The following RAPGEF4 variants were observed in gnomAD, a reference collection of about 807,000 sequenced individuals.
RAPGEF4 encodes RAP guanine-nucleotide-exchange factor (GEF) 4.
A neutral mutation model predicts 147.9 loss-of-function variants in RAPGEF4; 66 were observed. The ratio of observed to expected loss-of-function variants is 0.45; its 90% confidence interval spans 0.37 to 0.55. The LOEUF (loss-of-function observed/expected upper bound fraction) is 0.55, where lower values mean the gene tolerates loss of function less well. RAPGEF4 is among the 20% of genes least tolerant of loss of function. RAPGEF4 has a pLI of 0.00. For synonymous variants in RAPGEF4, 419 were observed against 442.7 expected (o/e 0.95, Z 0.67); for missense variants, 1,071 against 1,257.3 (o/e 0.85, Z 2.24).
chr2:172,922,423 A>C, intron 6 of RAPGEF4, 123 bp downstream of exon 6: 1 of 981,668 alleles, frequency 1.0e-6, no homozygotes, highest in Non-Finnish European at 1.6e-6. Flanking sequence ...ATATTTTTCT[A>C]ATCTCATTCT....
At chr2:172,894,723 A>G (rs909946319) in intron 4 of RAPGEF4, among the ~76,000 whole-genome samples, 1 of 152,136 alleles carries the variant, frequency 6.6e-6, no homozygotes, top group Non-Finnish European at 1.5e-5. Context: ...GTGGGTGCCA[A>G]AGTCTGGCTT....
chr2:172,787,064 T>A (rs566197307), intron 1 of RAPGEF4, among the ~76,000 whole-genome samples: 2 of 151,984 alleles, frequency 1.3e-5, no homozygotes, highest in East Asian at 3.9e-4. Context: ...ACAAAAAAAT[T>A]AGCCAGGTGT....
At chr2:172,863,269 T>C (rs533659603) in intron 4 of RAPGEF4, among the ~76,000 whole-genome samples, 46 of 151,924 alleles carry the variant, frequency 3.0e-4, no homozygotes, top group Admixed American at 6.6e-4. Context: ...GAAGAGGAAA[T>C]TGGAGTGCTC....
In RAPGEF4 at chr2:172,842,937, G is replaced by T. The variant is rs540792162; in HGVS notation, c.444+28512G>T. Among the ~76,000 whole-genome samples the T allele has an allele frequency of 1.2e-3, 185 of 152,350 alleles. 1 individual carries two copies. Among genetic ancestry groups the T allele is most frequent in the African/African-American group, 4.1e-3 (172 of 41,588 alleles). ...GGAGTGAGATTGCAGAGGTGGTGCA[G>T]TTACAGGTGTCTGGATAATCATGTT... On this transcript the variant is annotated intron_variant, in intron 4 of 30. Transcript: ENST00000397081.
In RAPGEF4 at chr2:172,934,136, T is replaced by C. The variant is rs1686273905; in HGVS notation, c.537+11836T>C. On this transcript the variant is annotated intron_variant, in intron 6 of 30. Transcript: ENST00000397081. ...GTAATAGTAGAAAAAATAACTATAT[T>C]TTATTTAATCCTTTTTTTTTTTTTT... Among the ~76,000 whole-genome samples the C allele has an allele frequency of 3.6e-5, 5 of 140,692 alleles. No individual in the cohort carries two copies. The South Asian group carries it at 1.1e-3, about 30-fold the overall frequency. The allele number at this position is 140,692 out of a possible 152,430, so 92.3% of individuals were successfully genotyped here.
intron 4 of RAPGEF4, among the ~76,000 whole-genome samples, chr2:172,869,496 C>G (rs1034488132): frequency 3.9e-5 from 6 of 152,102 alleles, no homozygotes; most frequent in African/African-American, 1.4e-4. Flanking sequence ...AATTTTGTGT[C>G]TTGAGAACTA....
At chr2:172,902,142 G>A (rs1240460157) in intron 4 of RAPGEF4, among the ~76,000 whole-genome samples, 2 of 152,136 alleles carry the variant, frequency 1.3e-5, no homozygotes, top group Admixed American at 1.3e-4. Flanking sequence ...CTGAAAGAGG[G>A]CAGAGTGGCT....
chr2:172,744,114 C>T (rs977497345), intron 1 of RAPGEF4: 1 of 197,612 alleles, frequency 5.1e-6, no homozygotes, highest in Admixed American at 6.1e-5. Flanking sequence ...ATTCTCAGAA[C>T]TTTGAAGTTA....
In RAPGEF4 at chr2:173,016,425, T is replaced by G; in HGVS notation, c.1886T>G (p.Ile629Ser). The G allele has an allele frequency of 8.7e-6, 14 of 1,610,544 alleles. No individual in the cohort carries two copies. Among genetic ancestry groups the G allele is most frequent in the Non-Finnish European group, 1.2e-5 (14 of 1,176,756 alleles). The change falls in exon 19 of 31, where the codon ATT (isoleucine) becomes AGT (serine). Residue 629 changes from isoleucine to serine, a missense_variant. Ile to Ser is a moderately radical substitution (Grantham distance 142). Transcript: ENST00000397081. ...GAGCAACTGCCAGAGTTGGAGAAGA[T>G]TGTCAAGCAAATGTAAGGAAGGGCT... ...LKEQLPELEK[I>S]VKQISEDAKA...
intron 4 of RAPGEF4, among the ~76,000 whole-genome samples, chr2:172,865,588 TTGCCCTC>T (rs979488301): frequency 6.6e-6 from 1 of 152,176 alleles, no homozygotes; most frequent in Non-Finnish European, 1.5e-5. Context: ...TCGTTTCTTC[TTGCCCTC>T]TGCCCTCTTC....
At chr2:172,776,697 T>A (rs994815455) in intron 1 of RAPGEF4, among the ~76,000 whole-genome samples, 23 of 152,312 alleles carry the variant, frequency 1.5e-4, no homozygotes, top group Admixed American at 4.6e-4. Flanking sequence ...ATCCTTTTTT[T>A]TCTGCAGTGC....
In RAPGEF4 at chr2:173,042,279, G is replaced by A. The variant is rs190221590; in HGVS notation, c.2853+5587G>A. On this transcript the variant is annotated intron_variant, in intron 29 of 30. Transcript: ENST00000397081. This position sits in a 1 kb window ranked among gnomAD's most constrained non-coding sequence, Gnocchi z 4.2. The stretch of plus-strand genomic sequence containing the variant: ...TGTTTCAGTGTTGGGCTTAGTGCAC[G>A]AAAGCATTTTTCAAATATTTTATGT... 5.3e-5 allele frequency among the ~76,000 whole-genome samples: 8 copies of A among 152,318 alleles called. No homozygotes were observed. The highest frequency in any genetic ancestry group is 2.1e-4 in the South Asian group (1 of 4,832).
At chr2:172,906,005 T>G (rs1699590101) in intron 4 of RAPGEF4, among the ~76,000 whole-genome samples, 1 of 152,226 alleles carries the variant, frequency 6.6e-6, no homozygotes, top group Non-Finnish European at 1.5e-5. Flanking sequence ...TTATAACTGC[T>G]TTGCTTTTTG....
intron 22 of RAPGEF4, 51 bp from the exon 23 acceptor site, chr2:173,020,567 G>A: frequency 6.9e-7 from 1 of 1,442,372 alleles, no homozygotes; most frequent in Non-Finnish European, 9.8e-7. Flanking sequence ...GGGCAGTGCA[G>A]CAAATCTCAG....
At chr2:172,834,945 T>C (rs965003399) in intron 4 of RAPGEF4, among the ~76,000 whole-genome samples, 7 of 152,260 alleles carry the variant, frequency 4.6e-5, no homozygotes, top group Non-Finnish European at 1.0e-4. Context: ...TATCAGCTTA[T>C]GCTCCTATTC....
chr2:172,888,327 A>C (rs985533477), intron 4 of RAPGEF4, among the ~76,000 whole-genome samples: 4 of 152,238 alleles, frequency 2.6e-5, no homozygotes, highest in Non-Finnish European at 5.9e-5. Context: ...AAGACGGGGA[A>C]CATGATGCCC....
intron 4 of RAPGEF4, among the ~76,000 whole-genome samples, chr2:172,821,346 A>T (rs1386081407): frequency 2.0e-5 from 3 of 152,218 alleles, no homozygotes; most frequent in African/African-American, 7.2e-5. Context: ...TACCCTCATC[A>T]GGAGCAACCA....
At chr2:172,976,541 A>G (rs1425590898) in intron 10 of RAPGEF4, among the ~76,000 whole-genome samples, 1 of 152,166 alleles carries the variant, frequency 6.6e-6, no homozygotes, top group Non-Finnish European at 1.5e-5. Context: ...CCCCACACAC[A>G]CAAAAAAATA....
intron 10 of RAPGEF4, among the ~76,000 whole-genome samples, chr2:172,969,040 G>A (rs1690175956): frequency 6.6e-6 from 1 of 152,216 alleles, no homozygotes; most frequent in South Asian, 2.1e-4. Flanking sequence ...GCACAGGAGG[G>A]GGCCCACTGC....
Sources: allele counts gnomAD v4.1 joint callset (sites outside exome capture counted in the v4.1 genomes callset), GRCh38; gene constraint gnomAD v4.1.1; non-coding constraint Gnocchi (gnomAD v3.1); transcripts MANE v1.5; gene names NCBI Gene and HGNC (gene_info 2026-07-23, HGNC 2026-07-21).